Variants in NSD1 observed in about 807,000 individuals in gnomAD.
NSD1 encodes nuclear receptor binding SET domain protein 1.
NSD1 carries 26 observed loss-of-function variants against 242.7 expected under a neutral mutation model. That is an observed-to-expected ratio of 0.11 (90% CI 0.08 to 0.15). The LOEUF is 0.15. NSD1 is among the 10% of genes least tolerant of loss of function. The pLI, the probability that NSD1 is intolerant of heterozygous loss-of-function variation, is 1.00. For synonymous variants in NSD1, 1,106 were observed against 1,178.1 expected (o/e 0.94, Z 1.25); for missense variants, 2,495 against 3,272.8 (o/e 0.76, Z 5.80).
chr5:177,288,302 T>C (rs1052960444), intron 20 of NSD1, among the ~76,000 whole-genome samples: 1 of 152,210 alleles, frequency 6.6e-6, no homozygotes, highest in Non-Finnish European at 1.5e-5. Flanking sequence ...AATGGGCTGC[T>C]CAGGATTCAG....
At chr5:177,226,598 C>T (rs1262805584) in intron 5 of NSD1, among the ~76,000 whole-genome samples, 4 of 152,110 alleles carry the variant, frequency 2.6e-5, no homozygotes, top group Non-Finnish European at 5.9e-5. Context: ...GGGACCACAG[C>T]CGTGTACTAC....
At chr5:177,219,996 A>G (rs1024167118) in intron 5 of NSD1, among the ~76,000 whole-genome samples, 2 of 152,128 alleles carry the variant, frequency 1.3e-5, no homozygotes, top group Non-Finnish European at 2.9e-5. Flanking sequence ...ATATTGGAGA[A>G]TATTCTATGT....
chr5:177,248,287 G>A lies in NSD1; in HGVS notation c.4604G>A (p.Arg1535His), dbSNP rs2149899764. The change falls in exon 11 of 23, where the codon CGC becomes CAC. Residue 1535 changes from arginine to histidine, a missense_variant. This residue lies in a region of NSD1 where 5 missense variants were observed against 40.8 expected (regional missense o/e 0.12). Coordinates refer to ENST00000439151, the MANE Select transcript of NSD1 (RefSeq NM_022455.5). The stretch of plus-strand genomic sequence containing the variant: ...GCCTCTAAAAAAATGCAGGGTGAAC[G>A]CGGTGGAGGAGCTGCACTCAAGGAG... ...MPASKKMQGE[R>H]GGGAALKENV... The A allele has an allele frequency of 6.2e-7, 1 of 1,614,030 alleles. No individual in the cohort carries two copies. Among genetic ancestry groups the A allele is most frequent in the Non-Finnish European group, 8.5e-7 (1 of 1,179,984 alleles).
intron 2 of NSD1, among the ~76,000 whole-genome samples, chr5:177,187,875 G>C (rs976087972): frequency 6.6e-6 from 1 of 152,174 alleles, no homozygotes; most frequent in Admixed American, 6.6e-5. Flanking sequence ...CTGGGTTAGG[G>C]AGGAGTATAT....
intron 3 of NSD1, among the ~76,000 whole-genome samples, chr5:177,199,931 T>C (rs1762390458): frequency 6.6e-6 from 1 of 152,124 alleles, no homozygotes; most frequent in Non-Finnish European, 1.5e-5. Context: ...GGGTATGTCA[T>C]GGAGCATCTG....
chr5:177,160,481 TTAG>T (rs1758659299), intron 2 of NSD1, among the ~76,000 whole-genome samples: 1 of 151,484 alleles, frequency 6.6e-6, no homozygotes, highest in Non-Finnish European at 1.5e-5. Context: ...TTTTGTATTT[TTAG>T]TAGTGACGGG....
intron 5 of NSD1, among the ~76,000 whole-genome samples, chr5:177,213,243 C>T (rs937274876): frequency 6.6e-6 from 1 of 152,096 alleles, no homozygotes; most frequent in African/African-American, 2.4e-5. Flanking sequence ...ACAGCAATAT[C>T]CATTAACATA....
chr5:177,183,169 A>G (rs1375254558), intron 2 of NSD1, among the ~76,000 whole-genome samples: 1 of 152,118 alleles, frequency 6.6e-6, no homozygotes, highest in African/African-American at 2.4e-5. Context: ...TTAGCACTAT[A>G]TATTTTTTCC....
At chr5:177,246,471 T>C (rs1375822649) in intron 9 of NSD1, among the ~76,000 whole-genome samples, 1 of 152,254 alleles carries the variant, frequency 6.6e-6, no homozygotes, top group Non-Finnish European at 1.5e-5. Context: ...TTAATCTATA[T>C]GAGGGAGCAG....
Position 177,212,028 on chromosome 5 carries a change from C to T in NSD1, c.3629C>T (p.Ser1210Leu). ...RDEFPEHRTP[S>L]ASILEEPLTE... Reference sequence around the variant, plus strand: ...GAGTTTCCAGAGCATAGAACTCCTTCAGCAAGCATACTTGAGGAACCACTG... The same window carrying T: ...GAGTTTCCAGAGCATAGAACTCCTTTAGCAAGCATACTTGAGGAACCACTG... The change falls in exon 5 of 23, where the codon TCA (serine) becomes TTA (leucine). Residue 1210 changes from serine (S) to leucine (L), a missense_variant. By Grantham distance (145) the Ser-to-Leu change is moderately radical. This residue lies in a region of NSD1 where 426 missense variants were observed against 411.4 expected (regional missense o/e 1.04). Coordinates refer to ENST00000439151, the MANE Select transcript of NSD1 (RefSeq NM_022455.5). The T allele has an allele frequency of 6.2e-7, 1 of 1,614,122 alleles. No homozygotes were observed. Among genetic ancestry groups the T allele is most frequent in the Non-Finnish European group, 8.5e-7 (1 of 1,180,028 alleles).
chr5:177,175,751 GAAAATAGT>G (rs1301964409), intron 2 of NSD1, among the ~76,000 whole-genome samples: 1 of 152,100 alleles, frequency 6.6e-6, no homozygotes, highest in Non-Finnish European at 1.5e-5. Flanking sequence ...TACTTTGTAT[GAAAATAGT>G]AACATCTAGA....
intron 2 of NSD1, among the ~76,000 whole-genome samples, chr5:177,163,872 G>A (rs146459627): frequency 1.2e-3 from 190 of 152,260 alleles, no homozygotes; most frequent in African/African-American, 4.3e-3. Flanking sequence ...TGCTTTCAGA[G>A]CATTTACTTT....
intron 14 of NSD1, chr5:177,265,181 G>A (rs1489219211): frequency 5.2e-6 from 4 of 770,934 alleles, no homozygotes; most frequent in Non-Finnish European, 9.5e-6. Flanking sequence ...CATACTTTGT[G>A]AGAACCAATG....
At chr5:177,258,808 T>G in intron 13 of NSD1, among the ~76,000 whole-genome samples, 1 of 152,162 alleles carries the variant, frequency 6.6e-6, no homozygotes, top group East Asian at 1.9e-4. Context: ...AGTGCTGGGA[T>G]TATAGGCATG....
chr5:177,290,078 T>C (rs1759689399), intron 21 of NSD1, among the ~76,000 whole-genome samples: 1 of 151,780 alleles, frequency 6.6e-6, no homozygotes, highest in African/African-American at 2.4e-5. Flanking sequence ...TCCGCCCGCC[T>C]TAGCCTCCCA....
intron 2 of NSD1, among the ~76,000 whole-genome samples, chr5:177,191,237 T>C (rs189798405): frequency 6.6e-6 from 1 of 152,174 alleles, no homozygotes; most frequent in Non-Finnish European, 1.5e-5. Flanking sequence ...CCCAAAGTGC[T>C]GGGATTACAG....
intron 2 of NSD1, among the ~76,000 whole-genome samples, chr5:177,160,144 G>A (rs962340938): frequency 6.6e-6 from 1 of 152,074 alleles, no homozygotes; most frequent in African/African-American, 2.4e-5. Flanking sequence ...GCCTGCCTCC[G>A]CCTTCCCAAG....
chr5:177,283,631 G>C (rs1387414758), intron 19 of NSD1, among the ~76,000 whole-genome samples, 156 bp from the exon 20 acceptor site: 1 of 152,234 alleles, frequency 6.6e-6, no homozygotes, highest in Non-Finnish European at 1.5e-5. Flanking sequence ...CTGGTCCAGG[G>C]ATCACACTTT....
chr5:177,152,309 TTG>T (rs34710422), intron 2 of NSD1, among the ~76,000 whole-genome samples: 2 of 145,458 alleles, frequency 1.4e-5, no homozygotes, highest in African/African-American at 2.6e-5. Flanking sequence ...CCGAGCCAGG[TTG>T]TGTGTGTGTG....
Sources: allele counts gnomAD v4.1 joint callset (sites outside exome capture counted in the v4.1 genomes callset), GRCh38; gene constraint gnomAD v4.1.1; regional missense constraint gnomAD v4.1.1; transcripts MANE v1.5; gene names NCBI Gene and HGNC (gene_info 2026-07-23, HGNC 2026-07-21).